Variants in ATP9A observed in about 807,000 individuals in gnomAD.
ATP9A encodes probable phospholipid-transporting ATPase IIA.
A neutral mutation model predicts 144.1 loss-of-function variants in ATP9A; 52 were observed. The observed-to-expected ratio is 0.36, with a 90% confidence interval of 0.29 to 0.45. The LOEUF (loss-of-function observed/expected upper bound fraction) is 0.45. Ranked by LOEUF, ATP9A falls within the 20% of genes least tolerant of loss-of-function variation. ATP9A has a pLI of 1.00. For synonymous variants in ATP9A, 582 were observed against 557.4 expected (o/e 1.04, Z -0.62); for missense variants, 947 against 1,392.7 (o/e 0.68, Z 5.09).
At chr20:51,757,526 A>G (rs566146449) in intron 1 of ATP9A, among the ~76,000 whole-genome samples, 13 of 152,162 alleles carry the variant, frequency 8.5e-5, no homozygotes, top group African/African-American at 2.9e-4. Flanking sequence ...CACCTTTCCA[A>G]TTCTCACCAG....
intron 1 of ATP9A, among the ~76,000 whole-genome samples, chr20:51,762,705 CTTT>C (rs34209501): frequency 4.7e-5 from 4 of 84,520 alleles, no homozygotes; most frequent in African/African-American, 5.1e-5. Context: ...CCACAAATGG[CTTT>C]TTTTTTTTTT....
At chr20:51,625,004 CAAAAAA>C (rs71192538) in intron 18 of ATP9A, among the ~76,000 whole-genome samples, 182 bp downstream of exon 18, 3 of 100,838 alleles carry the variant, frequency 3.0e-5, no homozygotes, top group Admixed American at 1.1e-4. Context: ...GACCCCGTCT[CAAAAAA>C]AAAAAAAAAA....
chr20:51,609,144 G>T (rs539192161), intron 24 of ATP9A, among the ~76,000 whole-genome samples: 1 of 152,210 alleles, frequency 6.6e-6, no homozygotes, highest in African/African-American at 2.4e-5. Context: ...GTGGGGCTGG[G>T]GCTGAGGGCG....
chr20:51,671,130 G>A lies in ATP9A; in HGVS notation c.1165C>T (p.Leu389Phe), dbSNP rs769892009. The change falls in exon 12 of 28, where the codon CTC (leucine) becomes TTC (phenylalanine). Residue 389 changes from leucine (L) to phenylalanine (F), a missense_variant. By Grantham distance (22) the Leu-to-Phe change is conservative. Coordinates refer to ENST00000338821, the MANE Select transcript of ATP9A (RefSeq NM_006045.3). ...PEQLGRISYL[L>F]TDKTGTLTQN... is the part of the protein sequence containing the mutation. ...AGCAGCTCACCTGTCTTGTCTGTGA[G>A]TAAGTACGAAATCCTGCCCAGCTGC... The A allele has an allele frequency of 1.2e-6, 2 of 1,613,900 alleles. No homozygotes were observed. The highest frequency in any genetic ancestry group is 2.2e-5 in the East Asian group (1 of 44,870).
intron 1 of ATP9A, among the ~76,000 whole-genome samples, chr20:51,748,928 T>C (rs1469923363): frequency 1.4e-5 from 2 of 139,638 alleles, no homozygotes; most frequent in African/African-American, 5.5e-5. Flanking sequence ...GATAGATAGA[T>C]AGATAGATAG....
chr20:51,660,340 A>G (rs866143954), intron 13 of ATP9A, among the ~76,000 whole-genome samples: 54 of 152,350 alleles, frequency 3.5e-4, no homozygotes, highest in African/African-American at 1.3e-3. Context: ...GCTTCCACTA[A>G]TATTTCAAAC....
chr20:51,640,311 C>T (rs1006508368), intron 14 of ATP9A, among the ~76,000 whole-genome samples: 9 of 152,134 alleles, frequency 5.9e-5, no homozygotes, highest in Admixed American at 1.3e-4. Context: ...AGGGGACCCG[C>T]GCCAACATCT....
intron 12 of ATP9A, among the ~76,000 whole-genome samples, chr20:51,670,770 G>C (rs1348864354): frequency 1.3e-5 from 2 of 152,144 alleles, no homozygotes; most frequent in Non-Finnish European, 2.9e-5. Context: ...CTGACTGCCT[G>C]AGTTAAAGCT....
intron 14 of ATP9A, among the ~76,000 whole-genome samples, chr20:51,643,050 CT>C (rs1185395265): frequency 6.6e-6 from 1 of 152,144 alleles, no homozygotes; most frequent in Admixed American, 6.6e-5. Context: ...GAAAATGTAT[CT>C]TTATGCATCC....
At chr20:51,674,115 T>C (rs6091346) in intron 11 of ATP9A, 38 bp downstream of exon 11, 1,256,460 of 1,594,840 alleles carry the variant, frequency 0.79, 497,254 homozygotes, top group Non-Finnish European at 0.81. Flanking sequence ...GAGAAGAAGA[T>C]GTCACGGCAG....
intron 15 of ATP9A, among the ~76,000 whole-genome samples, chr20:51,638,111 A>ATATATATATATG (rs2077302374): frequency 4.7e-5 from 4 of 85,338 alleles, no homozygotes; most frequent in African/African-American, 2.0e-4. Flanking sequence ...ATATATATAT[A>ATATATATATATG]TATATATATA....
At chr20:51,616,284 C>G (rs911953174) in intron 22 of ATP9A, among the ~76,000 whole-genome samples, 1 of 152,142 alleles carries the variant, frequency 6.6e-6, no homozygotes, top group Non-Finnish European at 1.5e-5. Flanking sequence ...TCTGCTGCCC[C>G]CTCCGGGCCT....
intron 1 of ATP9A, among the ~76,000 whole-genome samples, chr20:51,760,859 C>G (rs1318243098): frequency 2.0e-5 from 3 of 151,996 alleles, no homozygotes; most frequent in Non-Finnish European, 1.5e-5. Context: ...CCTGTCTCTA[C>G]TAAAAATACA....
chr20:51,628,949 G>C (rs374847509), intron 16 of ATP9A, 31 bp downstream of exon 16: 17 of 1,579,306 alleles, frequency 1.1e-5, no homozygotes, highest in Non-Finnish European at 1.5e-5. Context: ...ATGCTTCCAA[G>C]GCCTGGTTTA....
At chr20:51,612,090 T>C (rs6021317) in intron 23 of ATP9A, among the ~76,000 whole-genome samples, 42,043 of 152,128 alleles carry the variant, frequency 0.28, 6,033 homozygotes, top group Middle Eastern at 0.32. Flanking sequence ...GCCTTAGCAC[T>C]GATGCCTTAA....
At chr20:51,698,575 G>A (rs1484148977) in intron 4 of ATP9A, among the ~76,000 whole-genome samples, 4 of 152,108 alleles carry the variant, frequency 2.6e-5, no homozygotes, top group African/African-American at 9.7e-5. Flanking sequence ...TAAGGGCTGG[G>A]GATACGTGAA....
chr20:51,751,806 T>C (rs1398197758), intron 1 of ATP9A, among the ~76,000 whole-genome samples: 1 of 152,080 alleles, frequency 6.6e-6, no homozygotes, highest in Non-Finnish European at 1.5e-5. Context: ...GCCAGGATGG[T>C]CTCGATCTCC....
chr20:51,685,983 T>C (rs1011207088), intron 9 of ATP9A, among the ~76,000 whole-genome samples: 20 of 152,188 alleles, frequency 1.3e-4, no homozygotes, highest in African/African-American at 4.8e-4. Flanking sequence ...CCATCAATGA[T>C]AGACTGGATT....
chr20:51,744,888 G>C (rs1354219288), intron 1 of ATP9A, among the ~76,000 whole-genome samples: 2 of 152,204 alleles, frequency 1.3e-5, no homozygotes, highest in Non-Finnish European at 2.9e-5. Context: ...CCAGTACTTT[G>C]GGAGGCCGAG....
Sources: gnomAD v4.1 joint callset for allele counts (sites outside exome capture counted in the v4.1 genomes callset) on GRCh38, gnomAD v4.1.1 for gene constraint, MANE v1.5 for transcripts, NCBI Gene and HGNC (gene_info 2026-07-23, HGNC 2026-07-21) for gene names.